The following ARID4A variants were observed in gnomAD, a reference collection of about 807,000 sequenced individuals.
The protein encoded by ARID4A is AT-rich interactive domain-containing protein 4A.
Under a neutral mutation model 148.6 loss-of-function variants are expected in ARID4A, and 39 were observed. The observed-to-expected ratio is 0.26, with a 90% CI of 0.20 to 0.34. The LOEUF (loss-of-function observed/expected upper bound fraction) is 0.34, where lower values mean the gene tolerates loss of function less well. ARID4A is among the 10% of genes least tolerant of loss of function. The pLI is 1.00. For synonymous variants in ARID4A, 475 were observed against 481.2 expected (o/e 0.99, Z 0.17); for missense variants, 1,265 against 1,449.1 (o/e 0.87, Z 2.06).
chr14:58,336,770 A>G (rs975390347), intron 11 of ARID4A, among the ~76,000 whole-genome samples: 4 of 152,174 alleles, frequency 2.6e-5, no homozygotes, highest in Non-Finnish European at 5.9e-5. Flanking sequence ...ATGTATATAA[A>G]TAAATATATA....
chr14:58,317,001 G>A (rs1262855542), intron 5 of ARID4A, among the ~76,000 whole-genome samples: 4 of 151,208 alleles, frequency 2.6e-5, no homozygotes, highest in African/African-American at 9.7e-5. Context: ...GACCATCCTG[G>A]CTAACATGGT....
rs1277716280 is a variant in ARID4A, at chr14:58,361,479, C to G, written c.2080+437C>G. Among the ~76,000 whole-genome samples the G allele has an allele frequency of 3.3e-5, 5 of 152,142 alleles. No individual in the cohort carries two copies. In the East Asian group the frequency reaches 9.6e-4, roughly 29 times the overall value. ...GTGATTGTTTGGCATCACTGTTATT[C>G]TTGACTCTGAATTTATATGCCAGCT... On this transcript the variant is annotated intron_variant, in intron 19 of 23. Coordinates refer to ENST00000355431, the MANE Select transcript of ARID4A (RefSeq NM_002892.4).
intron 5 of ARID4A, among the ~76,000 whole-genome samples, chr14:58,314,452 G>A (rs1240355483): frequency 6.6e-6 from 1 of 152,132 alleles, no homozygotes; most frequent in Non-Finnish European, 1.5e-5. Flanking sequence ...TATAGAATCA[G>A]GGTCTCACTT....
intron 19 of ARID4A, among the ~76,000 whole-genome samples, 162 bp from the exon 20 acceptor site, chr14:58,364,008 G>A (rs1161751999): frequency 6.6e-6 from 1 of 151,984 alleles, no homozygotes; most frequent in Non-Finnish European, 1.5e-5. Context: ...TCAAATTCTT[G>A]GCACAAATGT....
chr14:58,310,376 C>T (rs1361250025), intron 5 of ARID4A, among the ~76,000 whole-genome samples: 1 of 152,066 alleles, frequency 6.6e-6, no homozygotes, highest in Non-Finnish European at 1.5e-5. Flanking sequence ...AAATATACTA[C>T]AAAGCTATAG....
In ARID4A at chr14:58,318,582, A is replaced by G. The variant is rs1566677596; in HGVS notation, c.315A>G (p.Ser105=). 3 of 1,614,220 alleles carry G rather than the reference A, an allele frequency of 1.9e-6. No individual in the cohort carries two copies. The highest frequency in any genetic ancestry group is 2.5e-6 in the Non-Finnish European group (3 of 1,180,034). ...DGDERTLRRT[S]LCLKGERHFA... ...ATGAGCGAACATTGAGACGTACCTCACTTTGTCTGAAAGGAGAGAGACATT... is the reference window on the plus strand; with the variant it reads ...ATGAGCGAACATTGAGACGTACCTCGCTTTGTCTGAAAGGAGAGAGACATT... The change falls in exon 6 of 24, where the codon TCA becomes TCG. Residue 105 remains serine, a synonymous_variant. Coordinates refer to ENST00000355431, the MANE Select transcript of ARID4A (RefSeq NM_002892.4).
intron 5 of ARID4A, among the ~76,000 whole-genome samples, chr14:58,307,919 G>A (rs1205574776): frequency 2.6e-5 from 4 of 152,192 alleles, no homozygotes; most frequent in African/African-American, 7.2e-5. Context: ...ACAGGTGTGT[G>A]TAGAATCACC....
At chr14:58,366,808 C>T (rs770475408) in intron 22 of ARID4A, 75 bp from the exon 23 acceptor site, 11 of 1,150,810 alleles carry the variant, frequency 9.6e-6, no homozygotes, top group Admixed American at 2.9e-5. Context: ...ATGAGTTAGA[C>T]GTTTGATAGA....
rs2035695725 is a variant in ARID4A, at chr14:58,373,704, A to C, written c.*1715A>C. 1 of 173,280 alleles carries C rather than the reference A, an allele frequency of 5.8e-6. No homozygotes were observed. Among genetic ancestry groups the C allele is most frequent in the Non-Finnish European group, 1.2e-5 (1 of 80,102 alleles). 10.7% of individuals were successfully genotyped at this position (173,280 alleles called of 1,614,324 possible). The stretch of plus-strand genomic sequence containing the variant: ...AAAATAAAAATGGAGCTCAGTGGGC[A>C]GTATTAATAAAGGCCATGTTTTAAA... On this transcript the variant is annotated 3_prime_UTR_variant, in exon 24 of 24. Coordinates refer to ENST00000355431, the MANE Select transcript of ARID4A (RefSeq NM_002892.4).
At chr14:58,349,885 C>T (rs995431201) in intron 15 of ARID4A, among the ~76,000 whole-genome samples, 1 of 151,836 alleles carries the variant, frequency 6.6e-6, no homozygotes, top group South Asian at 2.1e-4. Context: ...CCGAGGCGGG[C>T]GGATCACGAG....
chr14:58,299,526 C>T (rs746872620), intron 1 of ARID4A: 133 of 444,790 alleles, frequency 3.0e-4, no homozygotes, highest in Non-Finnish European at 4.9e-4. Context: ...TCCTGGAGCT[C>T]CGAGTTGAGC....
In ARID4A at chr14:58,364,864, G is replaced by C. The variant is rs756937621; in HGVS notation, c.2775G>C (p.Leu925=). The change falls in exon 20 of 24, where the codon CTG becomes CTC. Residue 925 remains leucine (L), a synonymous_variant. Transcript: ENST00000355431. ...AGTCAAACCAATGCATCCAACAACT[G>C]ACTAGTGAAAGATTTGATAGTCCAG... is the stretch of plus-strand genomic sequence containing the variant. ...IAESNQCIQQ[L]TSERFDSPAE... 9.3e-6 allele frequency: 15 copies of C among 1,614,070 alleles called. No individual in the cohort carries two copies. The South Asian group carries it at 1.6e-4, about 18-fold the overall frequency.
At chr14:58,356,215 G>A (rs1397373350) in intron 17 of ARID4A, among the ~76,000 whole-genome samples, 4 of 152,122 alleles carry the variant, frequency 2.6e-5, no homozygotes, top group South Asian at 2.1e-4. Context: ...GTCCAGTGTC[G>A]CCAGGACCAA....
intron 7 of ARID4A, among the ~76,000 whole-genome samples, chr14:58,322,367 A>G (rs890885886): frequency 2.0e-5 from 3 of 152,178 alleles, no homozygotes; most frequent in Non-Finnish European, 4.4e-5. Flanking sequence ...AGCTAACTCC[A>G]TAGACTTCTA....
At chr14:58,306,431 G>A (rs1423940060) in intron 5 of ARID4A, among the ~76,000 whole-genome samples, 1 of 152,124 alleles carries the variant, frequency 6.6e-6, no homozygotes, top group Non-Finnish European at 1.5e-5. Flanking sequence ...GCATAGTTGC[G>A]ATCGTTACTG....
intron 16 of ARID4A, 97 bp downstream of exon 16, chr14:58,351,420 TA>T (rs1181492009): frequency 3.4e-6 from 5 of 1,452,068 alleles, no homozygotes; most frequent in Non-Finnish European, 3.7e-6. Context: ...AATGTTTTCT[TA>T]TTGGGACTTC....
Position 58,364,272 on chromosome 14 carries a change from A to G in ARID4A, c.2183A>G (p.Asn728Ser), listed in dbSNP as rs761654207. ...KDELEKNENL[N>S]DDKLDEENPK... ...GAACTAGAAAAAAATGAAAATTTGAATGATGATAAGCTAGATGAAGAAAAT... is the reference window on the plus strand; with the variant it reads ...GAACTAGAAAAAAATGAAAATTTGAGTGATGATAAGCTAGATGAAGAAAAT... The change falls in exon 20 of 24, where the codon AAT (asparagine) becomes AGT (serine). Residue 728 changes from asparagine to serine, a missense_variant. Asn to Ser is a conservative substitution (Grantham distance 46, BLOSUM62 1). Around this residue, in one of 9 missense-constraint regions of ARID4A, gnomAD observed 666 missense variants for 730.9 expected, o/e 0.91. Transcript: ENST00000355431. 1 of 1,545,896 alleles carries G rather than the reference A, an allele frequency of 6.5e-7. No individual in the cohort carries two copies. The highest frequency in any genetic ancestry group is 1.7e-4 in the Middle Eastern group (1 of 5,764).
chr14:58,365,467 CTTTTTTTTTTTTT>C, intron 20 of ARID4A, 38 bp from the exon 21 acceptor site: 1 of 349,158 alleles, frequency 2.9e-6, no homozygotes, highest in Non-Finnish European at 4.6e-6. Flanking sequence ...TATACTTGCT[CTTTTTTTTTTTTT>C]TTTTTTTTTC....
chr14:58,347,962 A>G (rs770743115), intron 15 of ARID4A, 84 bp downstream of exon 15: 6 of 886,650 alleles, frequency 6.8e-6, no homozygotes, highest in South Asian at 1.9e-5. Context: ...ACACAAAAGT[A>G]CTACAGTGAA....
Sources: allele counts gnomAD v4.1 joint callset (sites outside exome capture counted in the v4.1 genomes callset), GRCh38; gene constraint gnomAD v4.1.1; regional missense constraint gnomAD v4.1.1; transcripts MANE v1.5; gene names NCBI Gene and HGNC (gene_info 2026-07-23, HGNC 2026-07-21).